Variants in MEAF6 observed in about 807,000 individuals in gnomAD.
MEAF6 encodes the protein chromatin modification-related protein MEAF6.
Under a neutral mutation model 28.9 loss-of-function variants are expected in MEAF6, and 15 were observed. The observed-to-expected ratio is 0.52, with a 90% CI of 0.35 to 0.80. MEAF6 has a LOEUF of 0.80. Ranked by LOEUF, MEAF6 falls within the 30% of genes least tolerant of loss-of-function variation. MEAF6 has a pLI of 0.01. For synonymous variants in MEAF6, 97 were observed against 88.7 expected (o/e 1.09, Z -0.53); for missense variants, 178 against 237.5 (o/e 0.75, Z 1.65).
chr1:37,506,204 G>A (rs562021242), intron 4 of MEAF6, among the ~76,000 whole-genome samples: 1 of 151,930 alleles, frequency 6.6e-6, no homozygotes, highest in Non-Finnish European at 1.5e-5. Context: ...CCAGGAGGTG[G>A]AGGTTGTGGT....
At position 37,491,189 on chromosome 1, in the gene MEAF6, C is replaced by T. The variant is rs1038716086; in HGVS notation, c.*2910G>A. 6.6e-6 allele frequency among the ~76,000 whole-genome samples: 1 copy of T among 152,162 alleles called. No individual in the cohort carries two copies. Among genetic ancestry groups the T allele is most frequent in the African/African-American group, 2.4e-5 (1 of 41,438 alleles). On this transcript the variant is annotated 3_prime_UTR_variant, in exon 7 of 7. Coordinates refer to ENST00000296214, the MANE Select transcript of MEAF6 (RefSeq NM_001270875.3). ...TCGCTCATTTTAATTATCTTCTTTA[C>T]TGCACAGGTCAAGATGTCAAGAATA...
At chr1:37,503,667 A>G (rs1307754013) in intron 4 of MEAF6, among the ~76,000 whole-genome samples, 4 of 151,026 alleles carry the variant, frequency 2.6e-5, no homozygotes, top group Non-Finnish European at 5.9e-5. Flanking sequence ...TCAAAAAAAA[A>G]AAAAAAAAAA....
At chr1:37,506,836 T>A (rs1642500653) in intron 4 of MEAF6, among the ~76,000 whole-genome samples, 1 of 152,288 alleles carries the variant, frequency 6.6e-6, no homozygotes, top group Non-Finnish European at 1.5e-5. Context: ...CCCAAAAGTA[T>A]GAGCCAGCCA....
intron 4 of MEAF6, 58 bp downstream of exon 4, chr1:37,509,220 G>C: frequency 7.1e-7 from 1 of 1,413,432 alleles, no homozygotes; most frequent in Non-Finnish European, 1.0e-6. Flanking sequence ...TGAATTAAGT[G>C]TAAGGGTGAT....
At chr1:37,508,895 T>C (rs999390263) in intron 4 of MEAF6, among the ~76,000 whole-genome samples, 1 of 152,098 alleles carries the variant, frequency 6.6e-6, no homozygotes, top group Non-Finnish European at 1.5e-5. Flanking sequence ...CCAGGAATTA[T>C]GGACTAGCCT....
chr1:37,492,263 C>T lies in MEAF6; in HGVS notation c.*1836G>A, dbSNP rs1313911449. Among the ~76,000 whole-genome samples the T allele has an allele frequency of 3.3e-5, 5 of 152,014 alleles. No individual in the cohort carries two copies. The highest frequency in any genetic ancestry group is 1.9e-4 in the East Asian group (1 of 5,158). ...CAGGATGGTCTCGATCTCCTGACCTCGTGATCCGCCCGCTTCGGCCTCCCA... is the reference window on the plus strand; with the variant it reads ...CAGGATGGTCTCGATCTCCTGACCTTGTGATCCGCCCGCTTCGGCCTCCCA... On this transcript the variant is annotated 3_prime_UTR_variant, in exon 7 of 7. Coordinates refer to ENST00000296214, the MANE Select transcript of MEAF6 (RefSeq NM_001270875.3).
At chr1:37,501,535 AT>A (rs1642303682) in intron 5 of MEAF6, 1 of 318,594 alleles carries the variant, frequency 3.1e-6, no homozygotes, top group Non-Finnish European at 5.7e-6. Flanking sequence ...AGTATTCCAT[AT>A]TCACCATATG....
At chr1:37,498,406 TTTTTTATTATTATTA>T (rs1264892817) in intron 5 of MEAF6, among the ~76,000 whole-genome samples, 8 of 136,258 alleles carry the variant, frequency 5.9e-5, no homozygotes, top group Non-Finnish European at 3.1e-5. Context: ...AGCTATGTTA[TTTTTTATTATTATTA>T]TTATTATTAT....
At chr1:37,511,397 T>C (rs1642665832) in intron 2 of MEAF6, among the ~76,000 whole-genome samples, 1 of 152,234 alleles carries the variant, frequency 6.6e-6, no homozygotes, top group South Asian at 2.1e-4. Flanking sequence ...AATCACTATT[T>C]TACAACTTCC....
rs1642317720 is a variant in MEAF6, at chr1:37,501,911, A to G, written c.426T>C (p.Asp142=). 1 of 1,611,208 alleles carries G rather than the reference A, an allele frequency of 6.2e-7. No homozygotes were observed. The highest frequency in any genetic ancestry group is 1.3e-5 in the African/African-American group (1 of 74,870). ...ENEPSQEDPE[D]LDGSVQGVKP... Reference sequence around the variant, plus strand: ...TCACTCCCTGCACAGATCCATCCAGATCCTCAGGGTCCTCCTGGCTGGGCT... The same window carrying G: ...TCACTCCCTGCACAGATCCATCCAGGTCCTCAGGGTCCTCCTGGCTGGGCT... Residue 142 remains aspartate, a synonymous_variant, in exon 5 of 7, where the codon GAT becomes GAC. Coordinates refer to ENST00000296214, the MANE Select transcript of MEAF6 (RefSeq NM_001270875.3).
rs180712844 is a variant in MEAF6 at position 37,496,179 on chromosome 1, T to C, written c.534-261A>G. Among the ~76,000 whole-genome samples the C allele has an allele frequency of 2.1e-3, 321 of 152,342 alleles. 2 individuals are homozygous for C. The highest frequency in any genetic ancestry group is 6.9e-3 in the African/African-American group (288 of 41,596). ...GTATACAGCAGCTACAAAAGCCATATAATTTTAAAACAATTCCAAAACTAC... is the reference window on the plus strand; with the variant it reads ...GTATACAGCAGCTACAAAAGCCATACAATTTTAAAACAATTCCAAAACTAC... On this transcript the variant is annotated intron_variant, in intron 5 of 6. Transcript: ENST00000296214.
At chr1:37,509,416 A>G in intron 3 of MEAF6, 39 bp downstream of exon 3, 1 of 1,610,250 alleles carries the variant, frequency 6.2e-7, no homozygotes, top group Non-Finnish European at 8.5e-7. Flanking sequence ...ATTCCCCAAC[A>G]ACAGGCCAAA....
chr1:37,510,155 C>T (rs1418598302), intron 2 of MEAF6, among the ~76,000 whole-genome samples: 1 of 151,098 alleles, frequency 6.6e-6, no homozygotes, highest in African/African-American at 2.4e-5. Flanking sequence ...CAGCTCGCTG[C>T]AACCTCTACC....
chr1:37,502,090 C>A, intron 4 of MEAF6, 94 bp from the exon 5 acceptor site: 1 of 996,312 alleles, frequency 1.0e-6, no homozygotes, highest in Non-Finnish European at 1.4e-6. Flanking sequence ...AGAAAAAAAC[C>A]ATTCCCTATC....
chr1:37,496,392 T>C (rs1050305284), intron 5 of MEAF6, among the ~76,000 whole-genome samples: 2 of 152,092 alleles, frequency 1.3e-5, no homozygotes, highest in Non-Finnish European at 2.9e-5. Context: ...CAAAGCAAAA[T>C]ATCAAGATCT....
At chr1:37,494,940 T>C (rs1219198309) in intron 6 of MEAF6, among the ~76,000 whole-genome samples, 2 of 152,080 alleles carry the variant, frequency 1.3e-5, no homozygotes, top group African/African-American at 4.8e-5. Flanking sequence ...GAAACATCAA[T>C]TTTGCTCTTA....
chr1:37,491,842 G>C lies in MEAF6; in HGVS notation c.*2257C>G, dbSNP rs977542057. On this transcript the variant is annotated 3_prime_UTR_variant, in exon 7 of 7. Transcript: ENST00000296214. ...GGTCTGCTGTGTGCTTTCCTCAGAG[G>C]GAAGGAAACTAGGCATCCCACTGCA... Among the ~76,000 whole-genome samples, 1 of 151,274 alleles carries C rather than the reference G, an allele frequency of 6.6e-6. No individual in the cohort carries two copies. Among genetic ancestry groups the C allele is most frequent in the African/African-American group, 2.4e-5 (1 of 41,242 alleles).
intron 5 of MEAF6, among the ~76,000 whole-genome samples, chr1:37,499,623 T>A (rs1384544032): frequency 1.3e-5 from 2 of 152,328 alleles, no homozygotes; most frequent in South Asian, 4.1e-4. Context: ...ATCAGCCAGA[T>A]ATTAAATCAG....
At chr1:37,496,874 T>C in intron 5 of MEAF6, 2 of 840,770 alleles carry the variant, frequency 2.4e-6, no homozygotes, top group Non-Finnish European at 3.4e-6. Flanking sequence ...GTATCAAACA[T>C]CAAAGCACCA....
Sources: gnomAD v4.1 joint callset for allele counts (sites outside exome capture counted in the v4.1 genomes callset) on GRCh38, gnomAD v4.1.1 for gene constraint, MANE v1.5 for transcripts, NCBI Gene and HGNC (gene_info 2026-07-23, HGNC 2026-07-21) for gene names.